CCDC33: variants seen among roughly 807,000 people sequenced by gnomAD.
CCDC33 encodes the protein coiled-coil domain-containing protein 33.
Under a neutral mutation model 91.9 loss-of-function variants are expected in CCDC33, and 94 were observed. The observed-to-expected ratio is 1.02, with a 90% CI of 0.87 to 1.21. CCDC33 has a LOEUF of 1.21. CCDC33 is among the 50% of genes most tolerant of loss of function. The pLI is 0.00. For synonymous variants in CCDC33, 396 were observed against 374.5 expected (o/e 1.06, Z -0.66); for missense variants, 940 against 935.5 (o/e 1.00, Z -0.06).
upstream of CCDC33, among the ~76,000 whole-genome samples, chr15:74,214,728 A>C (rs1417258294): frequency 6.6e-6 from 1 of 152,034 alleles, no homozygotes; most frequent in Non-Finnish European, 1.5e-5. Flanking sequence ...CCTCCTCACC[A>C]CCTGCTTGCC....
At chr15:74,211,915 C>G (rs548916685) in intron 2 of CCDC33, among the ~76,000 whole-genome samples, 1 of 152,266 alleles carries the variant, frequency 6.6e-6, no homozygotes, top group East Asian at 1.9e-4. Context: ...CTATCACTCT[C>G]TCTGTTGTTT....
In CCDC33 at chr15:74,268,363, G is replaced by A. The variant is rs761275077; in HGVS notation, c.451G>A (p.Asp151Asn). The change falls in exon 5 of 19, where the codon GAT (aspartate) becomes AAT (asparagine). Residue 151 changes from aspartate (D) to asparagine (N), a missense_variant. Asp to Asn is a conservative substitution (Grantham distance 23). Coordinates refer to ENST00000398814, the MANE Select transcript of CCDC33 (RefSeq NM_025055.5). ...LVKPTESGKA[D>N]EATAKTQLYA... ...CCAGCCCACTGAGTCTGGGAAAGCC[G>A]ATGAAGCCACTGCCAAGACCCAGTT... 25 of 1,613,704 alleles carry A rather than the reference G, an allele frequency of 1.5e-5. No homozygotes were observed. The Middle Eastern group carries it at 6.6e-4, about 43-fold the overall frequency.
At chr15:74,301,707 T>A (rs1006926270) in intron 11 of CCDC33, 5 of 152,226 alleles carry the variant, frequency 3.3e-5, no homozygotes, top group African/African-American at 9.7e-5. Flanking sequence ...CAGACTATGC[T>A]TTGGATAAAG....
At chr15:74,307,537 T>G (rs2059913058) in intron 11 of CCDC33, among the ~76,000 whole-genome samples, 1 of 151,948 alleles carries the variant, frequency 6.6e-6, no homozygotes, top group South Asian at 2.1e-4. Context: ...ACTTGAGCCT[T>G]GGCCGAGCCT....
At chr15:74,320,788 C>T (rs576988793) in intron 11 of CCDC33, among the ~76,000 whole-genome samples, 4 of 152,324 alleles carry the variant, frequency 2.6e-5, no homozygotes, top group Non-Finnish European at 4.4e-5. Flanking sequence ...GCCCTTGCCG[C>T]TTCGATATCC....
intron 2 of CCDC33, among the ~76,000 whole-genome samples, chr15:74,231,141 G>A (rs76719684): frequency 0.02 from 3,003 of 152,264 alleles, 102 homozygotes; most frequent in African/African-American, 0.069. Flanking sequence ...AGAAGGGCAG[G>A]CCCCCAGAGC....
At chr15:74,265,693 C>G (rs1383712158) in intron 3 of CCDC33, among the ~76,000 whole-genome samples, 1 of 152,230 alleles carries the variant, frequency 6.6e-6, no homozygotes, top group African/African-American at 2.4e-5. Context: ...CTAAACAGGA[C>G]TGTCATGATT....
chr15:74,271,814 A>T lies in CCDC33; in HGVS notation c.638+20A>T. On this transcript the variant is annotated intron_variant, in intron 6 of 18. Transcript: ENST00000398814. ...ATTTAAGTGAGTGGGGCCCAGGTGG[A>T]CCTGGGTGAGGAGGGCAGAGCAGAG... 10 of 1,605,984 alleles carry T rather than the reference A, an allele frequency of 6.2e-6. No individual in the cohort carries two copies. The highest frequency in any genetic ancestry group is 1.3e-5 in the African/African-American group (1 of 74,808).
At chr15:74,282,712 A>G (rs947578010) in intron 10 of CCDC33, among the ~76,000 whole-genome samples, 7 of 152,112 alleles carry the variant, frequency 4.6e-5, no homozygotes, top group Non-Finnish European at 1.0e-4. Flanking sequence ...TCTGTCTACC[A>G]CAGCTGGGTT....
chr15:74,209,217 C>G, intron 1 of CCDC33: 1 of 1,065,704 alleles, frequency 9.4e-7, no homozygotes, highest in Non-Finnish European at 1.3e-6. Flanking sequence ...GCGGTATAGC[C>G]TCTCCACACC....
chr15:74,243,163 A>G (rs1427581089), intron 1 of CCDC33, among the ~76,000 whole-genome samples: 5 of 152,240 alleles, frequency 3.3e-5, no homozygotes, highest in Non-Finnish European at 2.9e-5. Flanking sequence ...CCTAGTCCGC[A>G]AGTTTCCTGG....
At chr15:74,318,449 C>G (rs2060137111) in intron 11 of CCDC33, 1 of 552,112 alleles carries the variant, frequency 1.8e-6, no homozygotes, top group Non-Finnish European at 3.2e-6. Flanking sequence ...CCAGACACCC[C>G]CCACCCTGGA....
intron 13 of CCDC33, 28 bp downstream of exon 13, chr15:74,330,779 G>A (rs2060415609): frequency 1.9e-6 from 3 of 1,596,534 alleles, no homozygotes; most frequent in Non-Finnish European, 2.6e-6. Flanking sequence ...GGGGCAGAGG[G>A]GAGGGAGCTA....
upstream of CCDC33, among the ~76,000 whole-genome samples, chr15:74,234,115 C>T (rs1490645319): frequency 6.6e-6 from 1 of 152,218 alleles, no homozygotes; most frequent in African/African-American, 2.4e-5. Context: ...TGCTGTCCAG[C>T]CAGCAAGATC....
At chr15:74,251,194 A>G (rs558760734) in intron 2 of CCDC33, among the ~76,000 whole-genome samples, 1 of 152,370 alleles carries the variant, frequency 6.6e-6, no homozygotes, top group South Asian at 2.1e-4. Context: ...CTTTAGAGAA[A>G]ACAAGAACCC....
intron 11 of CCDC33, among the ~76,000 whole-genome samples, chr15:74,313,162 C>T (rs923882215): frequency 1.3e-5 from 2 of 152,182 alleles, no homozygotes. Context: ...AAGGGTGGTA[C>T]AGGGGCCAAG....
At position 74,320,809 on chromosome 15, in the gene CCDC33, A is replaced by G. The variant is rs560003833; in HGVS notation, c.1291-9380A>G. On this transcript the variant is annotated intron_variant, in intron 11 of 18. Transcript: ENST00000398814. ...GCCGCTTCGATATCCCACCCAGCCA[A>G]TGAGGCTCTCAGTCCTCCCTCGCCT... Among the ~76,000 whole-genome samples, 9 of 152,188 alleles carry G rather than the reference A, an allele frequency of 5.9e-5. No homozygotes were observed. The East Asian group carries it at 1.4e-3, about 23-fold the overall frequency.
intron 10 of CCDC33, among the ~76,000 whole-genome samples, chr15:74,295,062 G>T (rs2059658260): frequency 6.6e-6 from 1 of 152,206 alleles, no homozygotes; most frequent in Non-Finnish European, 1.5e-5. Context: ...GATGATAGAG[G>T]AGATGAAATG....
At chr15:74,285,827 AAC>A (rs1476440081) in intron 10 of CCDC33, among the ~76,000 whole-genome samples, 2 of 152,194 alleles carry the variant, frequency 1.3e-5, no homozygotes, top group East Asian at 1.9e-4. Context: ...TACGTATATG[AAC>A]ACACACAGAT....
Sources: gnomAD v4.1 joint callset for allele counts (sites outside exome capture counted in the v4.1 genomes callset) on GRCh38, gnomAD v4.1.1 for gene constraint, MANE v1.5 for transcripts, NCBI Gene and HGNC (gene_info 2026-07-23, HGNC 2026-07-21) for gene names.